PRR16: variants seen among roughly 807,000 people sequenced by gnomAD.
PRR16 encodes proline rich 16.
Under a neutral mutation model 18.2 loss-of-function variants are expected in PRR16, and 6 were observed. The ratio of observed to expected loss-of-function variants is 0.33; its 90% confidence interval spans 0.18 to 0.65. The LOEUF (loss-of-function observed/expected upper bound fraction) is 0.65. PRR16 is among the 30% of genes least tolerant of loss of function. The pLI, the probability that PRR16 is intolerant of heterozygous loss-of-function variation, is 0.74. For missense variants in PRR16, 412 were observed against 376.6 expected (o/e 1.09, Z -0.78); for synonymous variants, 151 against 147.8 (o/e 1.02, Z -0.16).
the PRR16 span, among the ~76,000 whole-genome samples, chr5:120,740,090 A>G: frequency 2.0e-5 from 3 of 152,158 alleles, no homozygotes; most frequent in Admixed American, 6.5e-5. Context: ...CTAATGGGAC[A>G]ATGATTATTA....
chr5:120,525,821 T>C (rs928493754), intron 1 of PRR16, among the ~76,000 whole-genome samples: 6 of 152,286 alleles, frequency 3.9e-5, no homozygotes, highest in African/African-American at 1.4e-4. Flanking sequence ...AAGGGTCAAG[T>C]TGGTGCAATA....
intron 1 of PRR16, among the ~76,000 whole-genome samples, chr5:120,673,573 G>C (rs1391180670): frequency 6.6e-6 from 1 of 152,080 alleles, no homozygotes; most frequent in Non-Finnish European, 1.5e-5. Context: ...ATCTAGAGTG[G>C]AATTTTATAT....
In PRR16 at chr5:120,686,699, CAA is replaced by C; in HGVS notation, c.906_907del (p.Thr303ArgfsTer21). On this transcript the variant is annotated frameshift_variant, in exon 2 of 2. Transcript: ENST00000407149. LOFTEE classifies it high-confidence loss of function. ...ACGATCTTGAGGAAGTCAACCACTA[CAA>C]CCGTGTGATGTATGCCATTAAAAAA... 6.6e-7 allele frequency: 1 copy of C among 1,526,168 alleles called. No homozygotes were observed. Among genetic ancestry groups the C allele is most frequent in the Non-Finnish European group, 8.8e-7 (1 of 1,136,720 alleles). 94.5% of individuals were successfully genotyped at this position (1,526,168 alleles called of 1,614,324 possible). A position where few individuals can be genotyped will look rare whatever the true frequency, so the allele number is the denominator to read the frequency against.
At chr5:120,601,940 T>C (rs1753997590) in intron 1 of PRR16, among the ~76,000 whole-genome samples, 1 of 151,944 alleles carries the variant, frequency 6.6e-6, no homozygotes, top group African/African-American at 2.4e-5. Context: ...TTTTTGCACC[T>C]GTACCATGCT....
chr5:120,762,490 G>A, the PRR16 span, among the ~76,000 whole-genome samples: 4 of 151,954 alleles, frequency 2.6e-5, no homozygotes, highest in African/African-American at 9.7e-5. Context: ...GACTAATGTT[G>A]TTTTTTGTTT....
chr5:120,709,059 G>A, the PRR16 span, among the ~76,000 whole-genome samples: 551 of 118,054 alleles, frequency 4.7e-3, 5 homozygotes, highest in African/African-American at 0.017. Flanking sequence ...CCAGGCTGGA[G>A]TGCAGTGGCG....
intron 1 of PRR16, among the ~76,000 whole-genome samples, chr5:120,673,120 A>G (rs1197010364): frequency 6.6e-6 from 1 of 152,216 alleles, no homozygotes; most frequent in African/African-American, 2.4e-5. Context: ...AAAAGTAAAA[A>G]CCTCATTTAC....
chr5:120,782,685 G>A, the PRR16 span, among the ~76,000 whole-genome samples: 3 of 152,130 alleles, frequency 2.0e-5, no homozygotes, highest in Non-Finnish European at 4.4e-5. Flanking sequence ...GGTACATCTA[G>A]AGAGACTGGA....
intron 1 of PRR16, among the ~76,000 whole-genome samples, chr5:120,540,603 C>G (rs1281607107): frequency 2.0e-5 from 3 of 152,100 alleles, no homozygotes; most frequent in African/African-American, 7.2e-5. Context: ...CTTCCTCTCT[C>G]CTTTGGTCTG....
In PRR16 at chr5:120,593,698, G is replaced by A. The variant is rs6863583; in HGVS notation, c.160-92256G>A. Among the ~76,000 whole-genome samples the A allele has an allele frequency of 2.1e-3, 316 of 151,934 alleles. 1 individual carries two copies. The highest frequency in any genetic ancestry group is 7.4e-3 in the African/African-American group (308 of 41,478). On this transcript the variant is annotated intron_variant, in intron 1 of 1. Coordinates refer to ENST00000407149, the MANE Select transcript of PRR16 (RefSeq NM_001300783.2). Reference sequence around the variant, plus strand: ...TACCAAAACCTGGTAGAGGCACAACGAAAGGAAGGATATCAGGACAATATC... The same window carrying A: ...TACCAAAACCTGGTAGAGGCACAACAAAAGGAAGGATATCAGGACAATATC...
chr5:120,529,698 A>G (rs1188348972), intron 1 of PRR16, among the ~76,000 whole-genome samples: 2 of 152,184 alleles, frequency 1.3e-5, no homozygotes, highest in African/African-American at 2.4e-5. Context: ...CACTTGAAAA[A>G]TGTGGCAAGG....
intron 1 of PRR16, among the ~76,000 whole-genome samples, chr5:120,606,555 T>C (rs1188345130): frequency 1.3e-5 from 2 of 152,170 alleles, no homozygotes; most frequent in Non-Finnish European, 2.9e-5. Flanking sequence ...TTAATGATTT[T>C]TTTCATTAAT....
the PRR16 span, among the ~76,000 whole-genome samples, chr5:120,742,462 C>G: frequency 6.6e-6 from 1 of 151,260 alleles, no homozygotes; most frequent in Non-Finnish European, 1.5e-5. Context: ...TTAATATTAG[C>G]TACCCCTTGA....
chr5:120,699,550 G>A, the PRR16 span, among the ~76,000 whole-genome samples: 1 of 152,202 alleles, frequency 6.6e-6, no homozygotes, highest in African/African-American at 2.4e-5. Context: ...CCAGGAAGCA[G>A]AAAGTATATG....
chr5:120,659,702 A>G (rs924753626), intron 1 of PRR16, among the ~76,000 whole-genome samples: 1 of 151,950 alleles, frequency 6.6e-6, no homozygotes, highest in Non-Finnish European at 1.5e-5. Context: ...CCTTGAGAAC[A>G]TGAGGTTTGA....
chr5:120,530,704 G>C (rs1331927770), intron 1 of PRR16, among the ~76,000 whole-genome samples: 1 of 152,112 alleles, frequency 6.6e-6, no homozygotes, highest in Non-Finnish European at 1.5e-5. Flanking sequence ...AGGTATAGGA[G>C]ATATTGGGGA....
intron 1 of PRR16, among the ~76,000 whole-genome samples, chr5:120,596,475 C>T (rs975721648): frequency 2.6e-5 from 4 of 151,652 alleles, no homozygotes; most frequent in Non-Finnish European, 5.9e-5. Flanking sequence ...TTTCGTTTTT[C>T]TTCTTTGTTG....
intron 1 of PRR16, among the ~76,000 whole-genome samples, chr5:120,619,476 A>G (rs1298711131): frequency 6.6e-6 from 1 of 152,114 alleles, no homozygotes; most frequent in East Asian, 1.9e-4. Context: ...TCAACCATTT[A>G]ATGTTACTAT....
intron 1 of PRR16, among the ~76,000 whole-genome samples, chr5:120,584,620 G>T (rs1346237717): frequency 1.3e-5 from 2 of 152,140 alleles, no homozygotes; most frequent in Non-Finnish European, 2.9e-5. Context: ...GATAGGCACA[G>T]AGAGTAGATT....
Sources: allele counts gnomAD v4.1 joint callset (sites outside exome capture counted in the v4.1 genomes callset), GRCh38; gene constraint gnomAD v4.1.1; transcripts MANE v1.5; gene names NCBI Gene and HGNC (gene_info 2026-07-23, HGNC 2026-07-21).